CNMD: variants seen among roughly 807,000 people sequenced by gnomAD.
CNMD encodes the protein leukocyte cell-derived chemotaxin 1.
A neutral mutation model predicts 37.5 loss-of-function variants in CNMD; 30 were observed. The observed-to-expected ratio is 0.80, with a 90% CI of 0.60 to 1.09. CNMD has a LOEUF of 1.09. Ranked by LOEUF, CNMD falls within the 50% of genes least tolerant of loss-of-function variation. The pLI is 0.00. For synonymous variants in CNMD, 167 were observed against 148.2 expected (o/e 1.13, Z -0.92); for missense variants, 398 against 423.9 (o/e 0.94, Z 0.54).
intron 6 of CNMD, among the ~76,000 whole-genome samples, chr13:52,707,438 C>A (rs1964202377): frequency 6.6e-6 from 1 of 150,764 alleles, no homozygotes; most frequent in African/African-American, 2.4e-5. Context: ...ACAAACATCA[C>A]TTTTCAGTGT....
At position 52,732,202 on chromosome 13, in the gene CNMD, G is replaced by T. The variant is rs189131946; in HGVS notation, c.354+1017C>A. ...AAGATGGGTCGATGAGGTGTTTGTG[G>T]ACCAATAAACTATCAGAAGAGACAT... On this transcript the variant is annotated intron_variant, in intron 3 of 6. Transcript: ENST00000377962. Among the ~76,000 whole-genome samples, 367 of 152,258 alleles carry T rather than the reference G, an allele frequency of 2.4e-3. 2 individuals carry two copies. Among genetic ancestry groups the T allele is most frequent in the African/African-American group, 8.7e-3 (361 of 41,538 alleles).
intron 3 of CNMD, among the ~76,000 whole-genome samples, chr13:52,726,572 G>A (rs1327406817): frequency 6.7e-6 from 1 of 148,534 alleles, no homozygotes; most frequent in African/African-American, 2.5e-5. Context: ...AAGCTGAAGT[G>A]CCCTACCTAA....
At position 52,712,832 on chromosome 13, in the gene CNMD, G is replaced by T. The variant is rs376449381; in HGVS notation, c.506C>A (p.Ser169Tyr). 1.7e-5 allele frequency: 27 copies of T among 1,584,584 alleles called. No individual in the cohort carries two copies. The African/African-American group carries it at 2.6e-4, about 15-fold the overall frequency. Residue 169 changes from serine (S) to tyrosine (Y), a missense_variant, in exon 5 of 7, where the codon TCT becomes TAT. By Grantham distance (144) the Ser-to-Tyr change is moderately radical. Coordinates refer to ENST00000377962, the MANE Select transcript of CNMD (RefSeq NM_007015.3). Reference protein sequence around the residue: ...KIMPVKYEENSLIWVAVDQPV... With the variant: ...KIMPVKYEENYLIWVAVDQPV... ...CTGATCTACAGCCACCCAGATAAGA[G>T]AATTTTCTTCATATTTGACTGGCAT...
intron 2 of CNMD, 26 bp from the exon 3 acceptor site, chr13:52,733,385 A>C (rs1264305361): frequency 6.2e-7 from 1 of 1,613,064 alleles, no homozygotes; most frequent in Non-Finnish European, 8.5e-7. Flanking sequence ...AGAGTTAGTG[A>C]TGCTTTCTTT....
At chr13:52,723,873 C>A (rs1372365311) in intron 4 of CNMD, 124 bp downstream of exon 4, 3 of 669,824 alleles carry the variant, frequency 4.5e-6, no homozygotes, top group Non-Finnish European at 7.8e-6. Flanking sequence ...CGCCACTGCA[C>A]TCCAGAGTGA....
At chr13:52,708,075 AAAAC>A (rs1229873479) in intron 6 of CNMD, among the ~76,000 whole-genome samples, 3 of 152,180 alleles carry the variant, frequency 2.0e-5, no homozygotes, top group Non-Finnish European at 4.4e-5. Context: ...CAACAACAAA[AAAAC>A]AACTTTGCAA....
In CNMD at chr13:52,703,647, C is replaced by T. The variant is rs1594272531; in HGVS notation, c.953G>A (p.Arg318Lys). 1 of 1,614,076 alleles carries T rather than the reference C, an allele frequency of 6.2e-7. No homozygotes were observed. Among genetic ancestry groups the T allele is most frequent in the East Asian group, 2.2e-5 (1 of 44,884 alleles). ...YNYQGCRSAC[R>K]VIMPCSWWVA... ...CCACCAGCTACATGGCATGATGACT[C>T]TGCAGGCCGAACGGCAGCCTTGATA... The change falls in exon 7 of 7, where the codon AGA (arginine) becomes AAA (lysine). Residue 318 changes from arginine (R) to lysine (K), a missense_variant. Coordinates refer to ENST00000377962, the MANE Select transcript of CNMD (RefSeq NM_007015.3).
Position 52,739,666 on chromosome 13 carries a change from C to T in CNMD, c.36G>A (p.Leu12=), listed in dbSNP as rs1964853208. 3.1e-6 allele frequency: 5 copies of T among 1,614,176 alleles called. No individual in the cohort carries two copies. The highest frequency in any genetic ancestry group is 4.2e-6 in the Non-Finnish European group (5 of 1,180,016). ...TENSDKVPIA[L]VGPDDVEFCS... ...AGAATTCCACGTCATCAGGTCCCACCAGGGCAATGGGAACTTTGTCGGAGT... is the reference window on the plus strand; with the variant it reads ...AGAATTCCACGTCATCAGGTCCCACTAGGGCAATGGGAACTTTGTCGGAGT... Residue 12 remains leucine (L), a synonymous_variant, in exon 1 of 7, where the codon CTG becomes CTA. Coordinates refer to ENST00000377962, the MANE Select transcript of CNMD (RefSeq NM_007015.3). This position sits in a 1 kb window ranked among gnomAD's most constrained non-coding sequence, Gnocchi z 5.4.
At chr13:52,733,005 C>T in intron 3 of CNMD, 1 of 571,534 alleles carries the variant, frequency 1.7e-6, no homozygotes, top group East Asian at 2.9e-5. Context: ...TATTTTACAA[C>T]TGAAGTGTTG....
intron 5 of CNMD, among the ~76,000 whole-genome samples, chr13:52,710,493 G>A (rs1390631863): frequency 3.3e-5 from 5 of 152,280 alleles, no homozygotes; most frequent in Non-Finnish European, 2.9e-5. Context: ...GTCATTCCCC[G>A]TGTCTCTGAT....
intron 2 of CNMD, among the ~76,000 whole-genome samples, chr13:52,734,751 T>C (rs994846680): frequency 1.3e-5 from 2 of 152,132 alleles, no homozygotes; most frequent in African/African-American, 4.8e-5. Context: ...AAACTGCAAA[T>C]AGCTCAGATC....
intron 5 of CNMD, among the ~76,000 whole-genome samples, chr13:52,712,476 A>G (rs1010387253): frequency 2.6e-5 from 4 of 152,184 alleles, no homozygotes; most frequent in Admixed American, 6.5e-5. Flanking sequence ...AGGTAATGCC[A>G]TGGCATTGTC....
At position 52,731,974 on chromosome 13, in the gene CNMD, A is replaced by C. The variant is rs1594289421; in HGVS notation, c.354+1245T>G. Among the ~76,000 whole-genome samples, 4 of 152,380 alleles carry C rather than the reference A, an allele frequency of 2.6e-5. 1 individual carries two copies. Among genetic ancestry groups the C allele is most frequent in the Admixed American group, 2.6e-4 (4 of 15,306 alleles). ...AAACAAAGTGCGTCTGGGCACATACAGAGCAGCAGAGGCTGTCCCCAGGGC... is the reference window on the plus strand; with the variant it reads ...AAACAAAGTGCGTCTGGGCACATACCGAGCAGCAGAGGCTGTCCCCAGGGC... On this transcript the variant is annotated intron_variant, in intron 3 of 6. Transcript: ENST00000377962.
intron 4 of CNMD, among the ~76,000 whole-genome samples, chr13:52,717,531 T>A (rs1964410884): frequency 6.6e-6 from 1 of 152,234 alleles, no homozygotes; most frequent in Non-Finnish European, 1.5e-5. Flanking sequence ...ATACCTAGTT[T>A]ATTGAAAGTT....
At chr13:52,718,712 A>G (rs1334347780) in intron 4 of CNMD, among the ~76,000 whole-genome samples, 2 of 152,208 alleles carry the variant, frequency 1.3e-5, no homozygotes, top group South Asian at 4.1e-4. Flanking sequence ...AGAGACTGTT[A>G]TGATTTCCAT....
At chr13:52,705,939 A>C (rs1357398670) in intron 6 of CNMD, among the ~76,000 whole-genome samples, 1 of 152,208 alleles carries the variant, frequency 6.6e-6, no homozygotes, top group Non-Finnish European at 1.5e-5. Context: ...CTTCAAGCTA[A>C]GGTAGTAAAG....
At chr13:52,725,429 T>TG (rs1964555638) in intron 3 of CNMD, among the ~76,000 whole-genome samples, 1 of 149,642 alleles carries the variant, frequency 6.7e-6, no homozygotes, top group African/African-American at 2.5e-5. Flanking sequence ...AGGACTTAGA[T>TG]GTTTTTTTTT....
At chr13:52,707,989 C>A (rs914006063) in intron 6 of CNMD, among the ~76,000 whole-genome samples, 13 of 151,718 alleles carry the variant, frequency 8.6e-5, no homozygotes, top group African/African-American at 3.1e-4. Context: ...GTGGTGGGCA[C>A]CTGAAATCCC....
At chr13:52,725,027 GGGATGA>G (rs1964549512) in intron 3 of CNMD, among the ~76,000 whole-genome samples, 1 of 152,200 alleles carries the variant, frequency 6.6e-6, no homozygotes, top group Admixed American at 6.5e-5. Flanking sequence ...ACTCAATGAG[GGGATGA>G]TATTTGAGCT....
Sources: allele counts gnomAD v4.1 joint callset (sites outside exome capture counted in the v4.1 genomes callset), GRCh38; gene constraint gnomAD v4.1.1; non-coding constraint Gnocchi (gnomAD v3.1); transcripts MANE v1.5; gene names NCBI Gene and HGNC (gene_info 2026-07-23, HGNC 2026-07-21).